KCNK2: variants seen among roughly 807,000 people sequenced by gnomAD.
KCNK2 encodes potassium channel subfamily K member 2.
KCNK2 carries 21 observed loss-of-function variants against 40.5 expected under a neutral mutation model. The ratio of observed to expected loss-of-function variants is 0.52; its 90% CI spans 0.37 to 0.75. KCNK2 has a LOEUF of 0.75. Ranked by LOEUF, KCNK2 falls within the 30% of genes least tolerant of loss-of-function variation. The pLI, the probability that KCNK2 is intolerant of heterozygous loss-of-function variation, is 0.00. For missense variants in KCNK2, 399 were observed against 531.6 expected (o/e 0.75, Z 2.45); for synonymous variants, 191 against 202.2 (o/e 0.94, Z 0.47).
chr1:215,205,194 AT>A (rs1665260429), intron 6 of KCNK2, among the ~76,000 whole-genome samples: 1 of 152,184 alleles, frequency 6.6e-6, no homozygotes, highest in Non-Finnish European at 1.5e-5. Flanking sequence ...AACCATATAA[AT>A]AGATCTGGCC....
At chr1:215,022,314 A>T (rs1299670684) in intron 1 of KCNK2, among the ~76,000 whole-genome samples, 1 of 152,048 alleles carries the variant, frequency 6.6e-6, no homozygotes, top group African/African-American at 2.4e-5. Context: ...TGGTGTGGCT[A>T]TTTTGACATC....
chr1:215,230,760 T>TC (rs1452426523), intron 6 of KCNK2, among the ~76,000 whole-genome samples: 1 of 151,238 alleles, frequency 6.6e-6, no homozygotes, highest in Non-Finnish European at 1.5e-5. Context: ...CTCCCATTCA[T>TC]CCCCCCACCT....
intron 3 of KCNK2, among the ~76,000 whole-genome samples, chr1:215,163,934 A>T (rs1292013069): frequency 6.6e-6 from 1 of 151,738 alleles, no homozygotes; most frequent in Admixed American, 6.6e-5. Context: ...CTGGCCTCAT[A>T]AAATGAGTTA....
chr1:215,013,271 T>G (rs975727444), intron 1 of KCNK2, among the ~76,000 whole-genome samples: 1 of 152,176 alleles, frequency 6.6e-6, no homozygotes, highest in Non-Finnish European at 1.5e-5. Flanking sequence ...GCCTTTGCAC[T>G]TGTACTAAAA....
intron 1 of KCNK2, among the ~76,000 whole-genome samples, chr1:215,007,906 A>C (rs1385166936): frequency 6.6e-6 from 1 of 152,202 alleles, no homozygotes; most frequent in African/African-American, 2.4e-5. Context: ...TATTACAGTA[A>C]ATTAATCCAG....
At chr1:215,190,785 C>T (rs1484471932) in intron 5 of KCNK2, among the ~76,000 whole-genome samples, 4 of 152,054 alleles carry the variant, frequency 2.6e-5, no homozygotes, top group Non-Finnish European at 5.9e-5. Flanking sequence ...AAGTGTGAAG[C>T]GTGAGAATGC....
chr1:215,044,826 T>TGTGCAC (rs142895602), intron 1 of KCNK2, among the ~76,000 whole-genome samples: 1 of 140,590 alleles, frequency 7.1e-6, no homozygotes, highest in East Asian at 2.1e-4. Flanking sequence ...TGTGTGTGTG[T>TGTGCAC]GCGCGCGCAC....
intron 1 of KCNK2, among the ~76,000 whole-genome samples, chr1:215,076,105 G>T (rs1050230028): frequency 6.6e-6 from 1 of 152,214 alleles, no homozygotes; most frequent in African/African-American, 2.4e-5. Flanking sequence ...TTCTTCCAGT[G>T]ATGTCCAACT....
At chr1:215,157,593 C>A (rs750874652) in intron 3 of KCNK2, among the ~76,000 whole-genome samples, 9 of 152,158 alleles carry the variant, frequency 5.9e-5, no homozygotes, top group Non-Finnish European at 1.0e-4. Context: ...AGTATGAATA[C>A]CTTATTTTAA....
chr1:215,007,149 ATATATATGTATG>A (rs1656189675), intron 1 of KCNK2, among the ~76,000 whole-genome samples: 1 of 120,634 alleles, frequency 8.3e-6, no homozygotes, highest in Non-Finnish European at 1.6e-5. Context: ...ATATGTGTAT[ATATATATGTATG>A]TATATATATA....
intron 6 of KCNK2, among the ~76,000 whole-genome samples, chr1:215,203,868 C>G (rs1665185709): frequency 6.6e-6 from 1 of 151,740 alleles, no homozygotes. Flanking sequence ...GAAACCCCGT[C>G]TCTACTAAAA....
chr1:215,228,198 T>A (rs1469879130), intron 6 of KCNK2, among the ~76,000 whole-genome samples: 1 of 151,942 alleles, frequency 6.6e-6, no homozygotes, highest in African/African-American at 2.4e-5. Flanking sequence ...ACAAAGGTAG[T>A]TAAGGAGGAG....
chr1:215,085,763 C>A (rs1319396155), intron 1 of KCNK2, among the ~76,000 whole-genome samples: 4 of 152,116 alleles, frequency 2.6e-5, no homozygotes, highest in Non-Finnish European at 5.9e-5. Flanking sequence ...GGCAAAAAGA[C>A]AAGATTCGAC....
At chr1:215,102,618 C>T (rs1039203364) in intron 2 of KCNK2, among the ~76,000 whole-genome samples, 5 of 152,030 alleles carry the variant, frequency 3.3e-5, no homozygotes, top group African/African-American at 1.2e-4. Context: ...CCTAGGCCTT[C>T]TCATTCACTC....
intron 3 of KCNK2, among the ~76,000 whole-genome samples, chr1:215,137,449 ACAG>A (rs1326976362): frequency 1.3e-5 from 2 of 152,216 alleles, no homozygotes; most frequent in African/African-American, 4.8e-5. Context: ...TCAAATACTT[ACAG>A]CAGAGACCGT....
chr1:215,127,489 C>T (rs568693681), intron 3 of KCNK2, among the ~76,000 whole-genome samples: 1 of 152,286 alleles, frequency 6.6e-6, no homozygotes, highest in East Asian at 1.9e-4. Flanking sequence ...ATGCCACTTC[C>T]ATTCCATATA....
rs555859450 is a variant in KCNK2 at position 215,051,091 on chromosome 1, A to G, written c.35-35277A>G. Among the ~76,000 whole-genome samples, 18 of 152,268 alleles carry G rather than the reference A, an allele frequency of 1.2e-4. 1 individual carries two copies. In the South Asian group the frequency reaches 3.7e-3, roughly 32 times the overall value. On this transcript the variant is annotated intron_variant, in intron 1 of 6. Transcript: ENST00000391895. ...AAGCTTATTTATTTTTATTTTGTAG[A>G]CAGGGCCTTGTTGCCCATGCTGGAG...
chr1:215,225,967 A>C (rs1282474402), intron 6 of KCNK2, among the ~76,000 whole-genome samples: 3 of 152,210 alleles, frequency 2.0e-5, no homozygotes, highest in African/African-American at 7.2e-5. Context: ...CACACATTTC[A>C]AACTTCTAGA....
intron 1 of KCNK2, among the ~76,000 whole-genome samples, chr1:215,032,942 G>A (rs1402132657): frequency 6.6e-6 from 1 of 151,802 alleles, no homozygotes; most frequent in Admixed American, 6.6e-5. Context: ...TTTCATATAT[G>A]TCTCCATTTC....
Sources: gnomAD v4.1 joint callset for allele counts (sites outside exome capture counted in the v4.1 genomes callset) on GRCh38, gnomAD v4.1.1 for gene constraint, MANE v1.5 for transcripts, NCBI Gene and HGNC (gene_info 2026-07-23, HGNC 2026-07-21) for gene names.